Variants in TSHZ1 observed in about 807,000 individuals in gnomAD.
TSHZ1 encodes the protein teashirt zinc finger homeobox 1.
A neutral mutation model predicts 67.1 loss-of-function variants in TSHZ1; 12 were observed. The observed-to-expected ratio is 0.18, with a 90% CI of 0.11 to 0.29. The LOEUF is 0.29. Among genes scored for constraint, TSHZ1 ranks in the 10% least tolerant of loss-of-function variants. The pLI is 1.00. For missense variants in TSHZ1, 1,305 were observed against 1,413.9 expected (o/e 0.92, Z 1.23); for synonymous variants, 632 against 622.4 (o/e 1.02, Z -0.23).
At chr18:75,257,661 G>A in intron 1 of TSHZ1, among the ~76,000 whole-genome samples, 1 of 152,036 alleles carries the variant, frequency 6.6e-6, no homozygotes, top group East Asian at 1.9e-4. Context: ...CTAAGGAACG[G>A]CTTTGCTTTT....
chr18:75,218,226 A>C (rs2022798429), intron 1 of TSHZ1, among the ~76,000 whole-genome samples: 1 of 152,268 alleles, frequency 6.6e-6, no homozygotes, highest in South Asian at 2.1e-4. Flanking sequence ...ATTCTCCTAC[A>C]GCAGCTGTGA....
At chr18:75,211,938 C>G (rs1016903766) in intron 1 of TSHZ1, 22 bp downstream of exon 1, 7 of 1,204,068 alleles carry the variant, frequency 5.8e-6, no homozygotes, top group African/African-American at 4.8e-5. Context: ...GCGGCCCGCG[C>G]CGCGGGGAGT....
chr18:75,287,684 G>A lies in TSHZ1; in HGVS notation c.2277G>A (p.Lys759=), dbSNP rs754862393. 3 of 1,614,208 alleles carry A rather than the reference G, an allele frequency of 1.9e-6. No individual in the cohort carries two copies. The highest frequency in any genetic ancestry group is 1.6e-4 in the Middle Eastern group (1 of 6,062). ...LQSIMNTHLG[K]VSKPVSPSLD... ...CCATCATGAACACCCACCTGGGCAA[G>A]GTGTCCAAGCCCGTGAGTCCCTCGC... is the stretch of plus-strand genomic sequence containing the variant. The change falls in exon 2 of 2, where the codon AAG becomes AAA. Residue 759 remains lysine, a synonymous_variant. Transcript: ENST00000580243. This position sits in a 1 kb window ranked among gnomAD's most constrained non-coding sequence, Gnocchi z 5.0.
At chr18:75,285,259 C>A in intron 1 of TSHZ1, 189 bp from the exon 2 acceptor site, 1 of 526,988 alleles carries the variant, frequency 1.9e-6, no homozygotes, top group Non-Finnish European at 3.1e-6. Flanking sequence ...GCTAAAGACA[C>A]ACTCAGGAGG....
intron 1 of TSHZ1, chr18:75,284,264 G>A (rs1009093253): frequency 6.6e-6 from 1 of 152,628 alleles, no homozygotes; most frequent in African/African-American, 2.4e-5. Context: ...CTCATCCATG[G>A]GACAACTTCC....
At chr18:75,265,807 T>G (rs967884214) in intron 1 of TSHZ1, among the ~76,000 whole-genome samples, 14 of 152,048 alleles carry the variant, frequency 9.2e-5, no homozygotes, top group Non-Finnish European at 5.9e-5. Context: ...AATTTACTAT[T>G]TCCCCCCCTT....
intron 1 of TSHZ1, among the ~76,000 whole-genome samples, chr18:75,272,209 G>C (rs188613728): frequency 6.6e-6 from 1 of 152,246 alleles, no homozygotes; most frequent in Non-Finnish European, 1.5e-5. Flanking sequence ...TTATCAGATA[G>C]AAGAGGAAGA....
intron 1 of TSHZ1, among the ~76,000 whole-genome samples, chr18:75,216,672 G>A (rs1375916250): frequency 1.3e-5 from 2 of 152,210 alleles, no homozygotes; most frequent in Middle Eastern, 3.2e-3. Context: ...GCTGCATATG[G>A]GTGCAGAATG....
chr18:75,231,854 A>G (rs9966820), intron 1 of TSHZ1, among the ~76,000 whole-genome samples: 1,794 of 151,798 alleles, frequency 0.012, 35 homozygotes, highest in African/African-American at 0.039. Context: ...GCGATTTTAG[A>G]TCTTCACAGG....
At chr18:75,284,128 A>G (rs573311377) in intron 1 of TSHZ1, 1 of 152,778 alleles carries the variant, frequency 6.5e-6, no homozygotes, top group African/African-American at 2.4e-5. Context: ...TGGTCAAAGA[A>G]GCTGAGGCAG....
chr18:75,217,065 G>T (rs1432930492), intron 1 of TSHZ1, among the ~76,000 whole-genome samples: 1 of 152,200 alleles, frequency 6.6e-6, no homozygotes, highest in African/African-American at 2.4e-5. Flanking sequence ...TAGCTGTGGT[G>T]GTGGAGAGGC....
chr18:75,233,964 C>T (rs1434342068), intron 1 of TSHZ1, among the ~76,000 whole-genome samples: 1 of 152,154 alleles, frequency 6.6e-6, no homozygotes, highest in Non-Finnish European at 1.5e-5. Context: ...CGTATTTGCA[C>T]ACATACTGAT....
chr18:75,272,653 C>G (rs950410962), intron 1 of TSHZ1, among the ~76,000 whole-genome samples: 1 of 152,214 alleles, frequency 6.6e-6, no homozygotes, highest in Non-Finnish European at 1.5e-5. Flanking sequence ...AATTCCTTGT[C>G]ACTGTATCCC....
At chr18:75,212,651 A>G (rs967147617) in intron 1 of TSHZ1, among the ~76,000 whole-genome samples, 1 of 152,178 alleles carries the variant, frequency 6.6e-6, no homozygotes, top group Non-Finnish European at 1.5e-5. Context: ...ATCACTCACC[A>G]TGGAAACACA....
Position 75,288,728 on chromosome 18 carries a change from T to C in TSHZ1, c.*87T>C, listed in dbSNP as rs1300349373. The stretch of plus-strand genomic sequence containing the variant: ...TGGCCTGAGCCTCTGAAATCAGTCT[T>C]TCCTTTGTTGCTGGCCCGCCTCTCT... On this transcript the variant is annotated 3_prime_UTR_variant, in exon 2 of 2. Transcript: ENST00000580243. This position sits in a 1 kb window ranked among gnomAD's most constrained non-coding sequence, Gnocchi z 4.9. 21 of 1,506,268 alleles carry C rather than the reference T, an allele frequency of 1.4e-5. No individual in the cohort carries two copies. The East Asian group carries it at 4.8e-4, about 34-fold the overall frequency. 93.3% of individuals were successfully genotyped at this position (1,506,268 alleles called of 1,614,324 possible).
chr18:75,232,132 C>T (rs770842466), intron 1 of TSHZ1, among the ~76,000 whole-genome samples: 2 of 151,986 alleles, frequency 1.3e-5, no homozygotes, highest in Admixed American at 1.3e-4. Context: ...AGGCTGGTCT[C>T]GAACTCCTGA....
At position 75,287,969 on chromosome 18, in the gene TSHZ1, G is replaced by C; in HGVS notation, c.2562G>C (p.Lys854Asn). 1 of 1,614,190 alleles carries C rather than the reference G, an allele frequency of 6.2e-7. No homozygotes were observed. Among genetic ancestry groups the C allele is most frequent in the Non-Finnish European group, 8.5e-7 (1 of 1,180,034 alleles). The change falls in exon 2 of 2, where the codon AAG becomes AAC. Residue 854 changes from lysine (K) to asparagine (N), a missense_variant. Lys to Asn is a moderately conservative substitution (Grantham distance 94). Around this residue, in one of 3 missense-constraint regions of TSHZ1, gnomAD observed 909 missense variants for 961.8 expected, o/e 0.95. Transcript: ENST00000580243. This position sits in a 1 kb window ranked among gnomAD's most constrained non-coding sequence, Gnocchi z 5.0. ...ACCTCACAGGCCGCCTGACGCCCAA[G>C]TCCTCCACGCCCTCCACAGTTTCAG... ...VKNLTGRLTPKSSTPSTVSEK... is the reference protein window; with the variant it reads ...VKNLTGRLTPNSSTPSTVSEK...
At chr18:75,212,396 G>GC (rs1337687381) in intron 1 of TSHZ1, among the ~76,000 whole-genome samples, 1 of 105,340 alleles carries the variant, frequency 9.5e-6, no homozygotes, top group African/African-American at 3.1e-5. Flanking sequence ...TGTGCAAGAG[G>GC]CCCCCCGCCC....
intron 1 of TSHZ1, among the ~76,000 whole-genome samples, chr18:75,273,792 C>T (rs778845436): frequency 4.9e-4 from 74 of 152,170 alleles, no homozygotes; most frequent in Non-Finnish European, 5.9e-5. Context: ...CATTTTATGA[C>T]AACAAATATT....
Sources: gnomAD v4.1 joint callset for allele counts (sites outside exome capture counted in the v4.1 genomes callset) on GRCh38, gnomAD v4.1.1 for gene constraint, gnomAD v4.1.1 regional missense constraint, Gnocchi (gnomAD v3.1) non-coding constraint, MANE v1.5 for transcripts, NCBI Gene and HGNC (gene_info 2026-07-23, HGNC 2026-07-21) for gene names.